The following MACROD1 variants were observed in gnomAD, a reference collection of about 807,000 sequenced individuals.
MACROD1 encodes ADP-ribose glycohydrolase MACROD1.
MACROD1 carries 31 observed loss-of-function variants against 41.4 expected under a neutral mutation model. The observed-to-expected ratio is 0.75, with a 90% CI of 0.56 to 1.01. MACROD1 has a LOEUF of 1.01. MACROD1 is among the 50% of genes least tolerant of loss of function. The probability of loss-of-function intolerance (pLI) is 0.00; values close to 1 mark genes in which losing one functional copy is unlikely to be tolerated. For missense variants in MACROD1, 473 were observed against 460.0 expected, an observed-to-expected ratio of 1.03 and a Z score of -0.26; for synonymous variants, 252 against 203.4, an observed-to-expected ratio of 1.24 and a Z score of -2.03.
chr11:64,106,094 T>C (rs1944758327), intron 3 of MACROD1, among the ~76,000 whole-genome samples: 1 of 152,092 alleles, frequency 6.6e-6, no homozygotes, highest in South Asian at 2.1e-4. Flanking sequence ...TGAGGAGGGA[T>C]GGCCAAGAGT....
At chr11:64,140,629 G>A (rs1291249423) in intron 3 of MACROD1, among the ~76,000 whole-genome samples, 2 of 152,176 alleles carry the variant, frequency 1.3e-5, no homozygotes, top group South Asian at 2.1e-4. Flanking sequence ...TCTCCTGGGC[G>A]CTCACTCTGT....
chr11:64,116,128 C>G, intron 3 of MACROD1: 1 of 1,340,946 alleles, frequency 7.5e-7, no homozygotes, highest in Non-Finnish European at 9.9e-7. Context: ...CCCCTTGGTA[C>G]AGGCTGGCAG....
chr11:64,051,930 T>G (rs1056061133), intron 3 of MACROD1, among the ~76,000 whole-genome samples: 7 of 151,692 alleles, frequency 4.6e-5, no homozygotes, highest in African/African-American at 1.7e-4. Context: ...GACTGGATAC[T>G]CCAAGGCCAC....
chr11:64,155,601 G>A (rs374591238), intron 1 of MACROD1, among the ~76,000 whole-genome samples: 3 of 152,322 alleles, frequency 2.0e-5, no homozygotes, highest in Non-Finnish European at 2.9e-5. Flanking sequence ...CCTTCCTGGC[G>A]GCTAAATAAT....
intron 3 of MACROD1, among the ~76,000 whole-genome samples, chr11:64,102,927 C>T (rs1007035489): frequency 2.6e-5 from 4 of 151,972 alleles, no homozygotes; most frequent in South Asian, 2.1e-4. Flanking sequence ...AAAAATTAGC[C>T]GGGTGTGGTG....
intron 3 of MACROD1, among the ~76,000 whole-genome samples, chr11:64,055,230 G>A (rs1381473281): frequency 6.6e-6 from 1 of 152,224 alleles, no homozygotes; most frequent in Non-Finnish European, 1.5e-5. Flanking sequence ...AGCAGGGTGA[G>A]GGGCAGCCAG....
intron 1 of MACROD1, among the ~76,000 whole-genome samples, chr11:64,156,270 G>T (rs116050848): frequency 1.0e-3 from 155 of 152,324 alleles, no homozygotes; most frequent in African/African-American, 3.6e-3. Flanking sequence ...AACAGAGCGA[G>T]ACCTTGTCTC....
intron 1 of MACROD1, among the ~76,000 whole-genome samples, chr11:64,153,942 G>A (rs868588591): frequency 1.8e-4 from 27 of 151,276 alleles, no homozygotes; most frequent in African/African-American, 6.1e-4. Context: ...CGCATTCCAC[G>A]CCCCTGCAGC....
intron 4 of MACROD1, 111 bp downstream of exon 4, chr11:64,015,141 G>A: frequency 1.7e-6 from 2 of 1,189,708 alleles, no homozygotes; most frequent in Non-Finnish European, 2.3e-6. Context: ...GAGGACAGTG[G>A]GGAAGGTGGA....
chr11:64,151,303 A>G lies in MACROD1; in HGVS notation c.453T>C (p.Asn151=). The change falls in exon 3 of 11, where the codon AAT becomes AAC. Residue 151 remains asparagine, a synonymous_variant. Transcript: ENST00000255681. ...CGCTGCGGAGCAGGGAGATTTTCTC[A>G]TTGAGCTGCTTGTCCTTTTTATACC... ...EPRYKKDKQL[N]EKISLLRSDI... The G allele has an allele frequency of 1.2e-6, 2 of 1,613,968 alleles. No individual in the cohort carries two copies. Among genetic ancestry groups the G allele is most frequent in the East Asian group, 2.2e-5 (1 of 44,878 alleles).
At chr11:64,150,128 A>C (rs1945552761) in intron 3 of MACROD1, among the ~76,000 whole-genome samples, 1 of 152,234 alleles carries the variant, frequency 6.6e-6, no homozygotes, top group Non-Finnish European at 1.5e-5. Flanking sequence ...AGACGCATAG[A>C]GCAAGGTTGC....
chr11:64,104,761 T>G (rs1413860060), intron 3 of MACROD1, among the ~76,000 whole-genome samples: 1 of 152,140 alleles, frequency 6.6e-6, no homozygotes, highest in African/African-American at 2.4e-5. Flanking sequence ...TCAGCCTCTT[T>G]GTTGGTTACT....
Position 64,090,071 on chromosome 11 carries a change from T to C in MACROD1, c.517+61168A>G, listed in dbSNP as rs1944462774. Among the ~76,000 whole-genome samples the C allele has an allele frequency of 6.6e-6, 1 of 152,116 alleles. No individual in the cohort carries two copies. The highest frequency in any genetic ancestry group is 1.5e-5 in the Non-Finnish European group (1 of 68,008). ...GTGACTGGACTCAACAGCTGTGTCA[T>C]CCTGAGCCCAGAACCTTCTAGAATG... On this transcript the variant is annotated intron_variant, in intron 3 of 10. Coordinates refer to ENST00000255681, the MANE Select transcript of MACROD1 (RefSeq NM_014067.4). The surrounding 1 kb of genome is among the most constrained non-coding windows in gnomAD (Gnocchi z 4.7).
chr11:64,104,190 C>T (rs1169405114), intron 3 of MACROD1: 1 of 152,370 alleles, frequency 6.6e-6, no homozygotes, highest in Non-Finnish European at 1.5e-5. Context: ...AGGTAAGGCC[C>T]AAGGACAAGG....
chr11:64,150,519 C>T (rs1166724657), intron 3 of MACROD1, among the ~76,000 whole-genome samples: 1 of 152,168 alleles, frequency 6.6e-6, no homozygotes, highest in Non-Finnish European at 1.5e-5. Context: ...AAGGAGCAAG[C>T]GAGCAGGCGG....
At chr11:64,160,456 G>A (rs1945736781) in intron 1 of MACROD1, among the ~76,000 whole-genome samples, 1 of 152,156 alleles carries the variant, frequency 6.6e-6, no homozygotes, top group African/African-American at 2.4e-5. Context: ...GTATTTGGAG[G>A]CCTATCTAGG....
intron 3 of MACROD1, among the ~76,000 whole-genome samples, chr11:64,099,226 C>G (rs570519537): frequency 1.3e-5 from 2 of 152,390 alleles, no homozygotes; most frequent in South Asian, 4.1e-4. Context: ...TGATCCACCC[C>G]ACTCCCCGAA....
Position 64,091,335 on chromosome 11 carries a change from T to C in MACROD1, c.517+59904A>G, listed in dbSNP as rs1206786727. Reference sequence around the variant, plus strand: ...TGATTTCATCACGTTTCATTTTCTGTCAAGTTTCCTGCCGTTACAATCTCA... The same window carrying C: ...TGATTTCATCACGTTTCATTTTCTGCCAAGTTTCCTGCCGTTACAATCTCA... On this transcript the variant is annotated intron_variant, in intron 3 of 10. Transcript: ENST00000255681. 2.0e-5 allele frequency among the ~76,000 whole-genome samples: 3 copies of C among 152,034 alleles called. No individual in the cohort carries two copies. The East Asian group carries it at 5.8e-4, about 29-fold the overall frequency.
At chr11:64,008,566 C>G (rs78890644) in intron 4 of MACROD1, among the ~76,000 whole-genome samples, 1,946 of 152,140 alleles carry the variant, frequency 0.013, 40 homozygotes, top group African/African-American at 0.045. Context: ...CGCTCGGGCC[C>G]GGGAGCAGCA....
Sources: gnomAD v4.1 joint callset for allele counts (sites outside exome capture counted in the v4.1 genomes callset) on GRCh38, gnomAD v4.1.1 for gene constraint, Gnocchi (gnomAD v3.1) non-coding constraint, MANE v1.5 for transcripts, NCBI Gene and HGNC (gene_info 2026-07-23, HGNC 2026-07-21) for gene names.